The following NCAM1 variants were observed in gnomAD, a reference collection of about 807,000 sequenced individuals.
The protein encoded by NCAM1 is antigen recognized by monoclonal antibody 5.1H11.
In NCAM1, 14 loss-of-function variants were observed where a neutral mutation model predicts 109.8. That is an observed-to-expected ratio of 0.13 (90% CI 0.08 to 0.20). The LOEUF (loss-of-function observed/expected upper bound fraction) is 0.20, where lower values mean the gene tolerates loss of function less well. NCAM1 is among the 10% of genes least tolerant of loss of function. The pLI, the probability that NCAM1 is intolerant of heterozygous loss-of-function variation, is 1.00. For missense variants in NCAM1, 774 were observed against 1,109.9 expected (o/e 0.70, Z 4.30); for synonymous variants, 418 against 442.9 (o/e 0.94, Z 0.70).
chr11:113,109,347 C>CAAAAAAAAAA (rs369724829), intron 1 of NCAM1, among the ~76,000 whole-genome samples: 1 of 89,228 alleles, frequency 1.1e-5, no homozygotes. Context: ...GACTCTGTCT[C>CAAAAAAAAAA]AAAAAAAAGA....
intron 1 of NCAM1, among the ~76,000 whole-genome samples, chr11:113,122,547 G>A (rs1158473750): frequency 6.6e-6 from 1 of 152,214 alleles, no homozygotes; most frequent in Non-Finnish European, 1.5e-5. Context: ...ACTTTGGGAG[G>A]CCGAGGCAGG....
intron 1 of NCAM1, among the ~76,000 whole-genome samples, chr11:113,183,936 T>C (rs1555108414): frequency 6.6e-6 from 1 of 152,218 alleles, no homozygotes; most frequent in African/African-American, 2.4e-5. Flanking sequence ...CTTCTATATT[T>C]TCTACATGTA....
At chr11:113,095,482 G>A (rs782760002) in intron 1 of NCAM1, among the ~76,000 whole-genome samples, 18 of 152,256 alleles carry the variant, frequency 1.2e-4, no homozygotes, top group South Asian at 8.3e-4. Flanking sequence ...TTCTTTTAAC[G>A]CAGGCAGCCC....
At chr11:113,206,816 G>A (rs548778961) in intron 5 of NCAM1, among the ~76,000 whole-genome samples, 6 of 152,292 alleles carry the variant, frequency 3.9e-5, no homozygotes, top group Middle Eastern at 6.8e-3. Flanking sequence ...GGCACTCTTT[G>A]TTATAGCTGA....
intron 2 of NCAM1, 76 bp downstream of exon 2, chr11:113,202,529 A>T (rs1944099578): frequency 2.6e-5 from 34 of 1,332,646 alleles, no homozygotes; most frequent in Non-Finnish European, 3.4e-5. Context: ...CCCTCAGGCC[A>T]TGTGAGCTGG....
At position 113,069,691 on chromosome 11, in the gene NCAM1, T is replaced by C. The variant is rs1456665381; in HGVS notation, c.52+108027T>C. ...ACGTGAAGAGGGACTTATGAGGCAA[T>C]GGCTATGGAGATGGAGAGGTGAGGA... On this transcript the variant is annotated intron_variant, in intron 1 of 19. Coordinates refer to ENST00000316851, the MANE Select transcript of NCAM1 (RefSeq NM_181351.5). Among the ~76,000 whole-genome samples the C allele has an allele frequency of 2.0e-5, 3 of 152,142 alleles. No homozygotes were observed. The East Asian group carries it at 5.8e-4, about 29-fold the overall frequency.
Position 113,096,937 on chromosome 11 carries a change from C to T in NCAM1, c.53-105442C>T, listed in dbSNP as rs2135817665. On this transcript the variant is annotated intron_variant, in intron 1 of 19. Coordinates refer to ENST00000316851, the MANE Select transcript of NCAM1 (RefSeq NM_181351.5). ...TCTCTCCCCTGACAAGTTTGTTACA[C>T]AGCAGGCACTACTCCCTGCAAGCTC... 1.3e-5 allele frequency among the ~76,000 whole-genome samples: 2 copies of T among 152,264 alleles called. 1 individual carries two copies.
In NCAM1 at chr11:113,047,162, T is replaced by A. The variant is rs535980567; in HGVS notation, c.52+85498T>A. On this transcript the variant is annotated intron_variant, in intron 1 of 19. Coordinates refer to ENST00000316851, the MANE Select transcript of NCAM1 (RefSeq NM_181351.5). Reference sequence around the variant, plus strand: ...GGTAATACAGGAGCTAACTTTTTTATTGTGCCACATTTTTTTCTGAATAAT... The same window carrying A: ...GGTAATACAGGAGCTAACTTTTTTAATGTGCCACATTTTTTTCTGAATAAT... Among the ~76,000 whole-genome samples the A allele has an allele frequency of 2.0e-5, 3 of 152,328 alleles. No homozygotes were observed. In the East Asian group the frequency reaches 5.8e-4, roughly 29 times the overall value.
chr11:113,173,642 G>A lies in NCAM1; in HGVS notation c.53-28737G>A, dbSNP rs955214378. The stretch of plus-strand genomic sequence containing the variant: ...TATATATATATTTTAGAGGGTGCAG[G>A]GTATGTCTGAAAAACCATGGGGATT... On this transcript the variant is annotated intron_variant, in intron 1 of 19. Coordinates refer to ENST00000316851, the MANE Select transcript of NCAM1 (RefSeq NM_181351.5). Among the ~76,000 whole-genome samples, 8 of 130,238 alleles carry A rather than the reference G, an allele frequency of 6.1e-5. 1 individual carries two copies. Among genetic ancestry groups the A allele is most frequent in the Non-Finnish European group, 1.3e-4 (8 of 59,318 alleles). 85.4% of individuals were successfully genotyped at this position (130,238 alleles called of 152,430 possible). A position where few individuals can be genotyped will look rare whatever the true frequency, so the allele number is the denominator to read the frequency against.
chr11:113,154,300 G>A (rs1942336658), intron 1 of NCAM1, among the ~76,000 whole-genome samples: 1 of 152,168 alleles, frequency 6.6e-6, no homozygotes, highest in Non-Finnish European at 1.5e-5. Flanking sequence ...AGAATTTTGA[G>A]GGCTATATGG....
chr11:113,230,890 CT>C (rs1944984846), intron 9 of NCAM1, among the ~76,000 whole-genome samples: 1 of 152,182 alleles, frequency 6.6e-6, no homozygotes, highest in Non-Finnish European at 1.5e-5. Context: ...TGTGCTTATT[CT>C]CTTTTTGACC....
At chr11:113,098,019 T>A (rs955041842) in intron 1 of NCAM1, among the ~76,000 whole-genome samples, 11 of 152,222 alleles carry the variant, frequency 7.2e-5, no homozygotes, top group African/African-American at 2.4e-4. Flanking sequence ...GCAAAATGTA[T>A]GAGAGAAAAA....
intron 16 of NCAM1, among the ~76,000 whole-genome samples, chr11:113,259,316 G>A (rs1414689469): frequency 1.1e-4 from 17 of 152,084 alleles, no homozygotes; most frequent in African/African-American, 4.1e-4. Flanking sequence ...CTCCCAAAGT[G>A]CTGGGATTAC....
At chr11:112,995,719 G>T (rs1350891103) in intron 1 of NCAM1, among the ~76,000 whole-genome samples, 3 of 152,140 alleles carry the variant, frequency 2.0e-5, no homozygotes, top group Admixed American at 1.3e-4. Flanking sequence ...ATAGTTTTTT[G>T]ATTATTTTCA....
intron 1 of NCAM1, among the ~76,000 whole-genome samples, chr11:113,047,486 G>T (rs926015339): frequency 1.3e-5 from 2 of 152,166 alleles, no homozygotes; most frequent in African/African-American, 4.8e-5. Context: ...CAAAAATTAA[G>T]TTGTACGTAT....
intron 17 of NCAM1, chr11:113,263,980 T>C (rs1555123902): frequency 9.1e-6 from 9 of 985,274 alleles, no homozygotes; most frequent in Non-Finnish European, 3.6e-6. Flanking sequence ...TTCTAAACTC[T>C]CCTGAAAATC....
intron 1 of NCAM1, among the ~76,000 whole-genome samples, chr11:113,137,908 C>T (rs1437420738): frequency 1.3e-5 from 2 of 151,824 alleles, no homozygotes; most frequent in African/African-American, 2.4e-5. Flanking sequence ...GCAACAAAGG[C>T]GACAAGGGAG....
intron 1 of NCAM1, among the ~76,000 whole-genome samples, chr11:113,171,398 G>A (rs145860141): frequency 6.8e-4 from 103 of 152,246 alleles, no homozygotes; most frequent in African/African-American, 2.4e-3. Context: ...TTGGGAGGCC[G>A]ACGCGGGTAG....
At chr11:113,254,169 C>T (rs1159842576) in intron 15 of NCAM1, among the ~76,000 whole-genome samples, 1 of 152,190 alleles carries the variant, frequency 6.6e-6, no homozygotes, top group Admixed American at 6.5e-5. Context: ...ATTTGGAAAG[C>T]CTAAATACCT....
Sources: gnomAD v4.1 joint callset for allele counts (sites outside exome capture counted in the v4.1 genomes callset) on GRCh38, gnomAD v4.1.1 for gene constraint, MANE v1.5 for transcripts, NCBI Gene and HGNC (gene_info 2026-07-23, HGNC 2026-07-21) for gene names.